Variants in MACROD2 observed in about 807,000 individuals in gnomAD.
The protein encoded by MACROD2 is mono-ADP ribosylhydrolase 2.
In MACROD2, 36 loss-of-function variants were observed where a neutral mutation model predicts 70.4. The ratio of observed to expected loss-of-function variants is 0.51; its 90% CI spans 0.39 to 0.68. The LOEUF is 0.68. Ranked by LOEUF, MACROD2 falls within the 30% of genes least tolerant of loss-of-function variation. The pLI is 0.00. For missense variants in MACROD2, 496 were observed against 538.4 expected (o/e 0.92, Z 0.78); for synonymous variants, 172 against 178.8 (o/e 0.96, Z 0.30).
chr20:15,746,569 A>AAG (rs2051186675), intron 8 of MACROD2, among the ~76,000 whole-genome samples: 1 of 151,160 alleles, frequency 6.6e-6, no homozygotes, highest in African/African-American at 2.4e-5. Flanking sequence ...CAGTAAAAAA[A>AAG]AAAAAAAAAA....
At chr20:15,947,184 C>T (rs1302165166) in intron 12 of MACROD2, among the ~76,000 whole-genome samples, 1 of 152,100 alleles carries the variant, frequency 6.6e-6, no homozygotes, top group Admixed American at 6.6e-5. Context: ...AGAGGCCTTC[C>T]TCAATCTCAA....
At chr20:14,699,912 CTAGAAGTTTAAAGTTTAAA>C (rs2071173428) in intron 5 of MACROD2, among the ~76,000 whole-genome samples, 2 of 142,872 alleles carry the variant, frequency 1.4e-5, no homozygotes, top group Non-Finnish European at 3.0e-5. Context: ...CTTTTTAAAT[CTAGAAGTTTAAAGTTTAAA>C]CTTTTTAAAT....
At chr20:16,019,648 A>T (rs6080098) in intron 15 of MACROD2, among the ~76,000 whole-genome samples, 1 of 152,118 alleles carries the variant, frequency 6.6e-6, no homozygotes, top group Non-Finnish European at 1.5e-5. Flanking sequence ...AGTAACCACA[A>T]TGTGGTTCCT....
intron 3 of MACROD2, among the ~76,000 whole-genome samples, chr20:14,472,013 C>A (rs2084536589): frequency 6.6e-6 from 1 of 152,134 alleles, no homozygotes; most frequent in African/African-American, 2.4e-5. Context: ...TGTTGGTCTG[C>A]ATTGACTTAT....
chr20:14,182,486 G>A (rs959631548), intron 3 of MACROD2, among the ~76,000 whole-genome samples: 1 of 152,064 alleles, frequency 6.6e-6, no homozygotes, highest in Non-Finnish European at 1.5e-5. Context: ...TTTTGATGAA[G>A]TCCAATTTAT....
intron 5 of MACROD2, among the ~76,000 whole-genome samples, chr20:14,700,991 C>A (rs1282217229): frequency 6.6e-6 from 1 of 152,124 alleles, no homozygotes; most frequent in African/African-American, 2.4e-5. Flanking sequence ...CCCCCGAATT[C>A]ATCTCTTTTA....
chr20:16,042,460 A>C (rs2067320006), intron 16 of MACROD2, among the ~76,000 whole-genome samples: 2 of 152,060 alleles, frequency 1.3e-5, no homozygotes, highest in Non-Finnish European at 2.9e-5. Context: ...GTCCTCACTT[A>C]GAGATTCACC....
chr20:16,041,452 T>TA (rs559960227), intron 16 of MACROD2, among the ~76,000 whole-genome samples, 174 bp downstream of exon 16: 101 of 150,810 alleles, frequency 6.7e-4, no homozygotes, highest in South Asian at 2.9e-3. Flanking sequence ...ACCTCTTATT[T>TA]AAAAAAAAAA....
intron 4 of MACROD2, among the ~76,000 whole-genome samples, chr20:14,521,824 G>A (rs2123178478): frequency 6.6e-6 from 1 of 152,262 alleles, no homozygotes; most frequent in African/African-American, 2.4e-5. Context: ...ATTATTCCAT[G>A]GGAAGTCTTT....
At position 14,215,285 on chromosome 20, in the gene MACROD2, T is replaced by C. The variant is rs1569209795; in HGVS notation, c.271+129557T>C. Among the ~76,000 whole-genome samples, 3 of 151,084 alleles carry C rather than the reference T, an allele frequency of 2.0e-5. No individual in the cohort carries two copies. The South Asian group carries it at 6.3e-4, about 32-fold the overall frequency. ...CATCATATATATATGTTCTATCATA[T>C]ATGTTCCATCATATATATATGTTCC... On this transcript the variant is annotated intron_variant, in intron 3 of 17. Transcript: ENST00000684519.
chr20:14,827,175 G>A (rs1286550683), intron 5 of MACROD2, among the ~76,000 whole-genome samples: 1 of 152,054 alleles, frequency 6.6e-6, no homozygotes, highest in African/African-American at 2.4e-5. Context: ...GGCAGCCACA[G>A]GGCCCCCAGG....
intron 8 of MACROD2, among the ~76,000 whole-genome samples, chr20:15,815,465 G>A (rs901502760): frequency 1.3e-5 from 2 of 151,668 alleles, no homozygotes; most frequent in Non-Finnish European, 2.9e-5. Context: ...ACCTGTGTGC[G>A]ACAGCTGGTG....
intron 5 of MACROD2, among the ~76,000 whole-genome samples, chr20:14,901,392 T>G (rs2073893381): frequency 1.3e-5 from 2 of 152,052 alleles, no homozygotes; most frequent in Non-Finnish European, 2.9e-5. Context: ...ATCCTAGCTG[T>G]TTTCAAGAAA....
At chr20:15,312,445 A>C (rs2077763066) in intron 6 of MACROD2, among the ~76,000 whole-genome samples, 1 of 152,216 alleles carries the variant, frequency 6.6e-6, no homozygotes, top group South Asian at 2.1e-4. Flanking sequence ...TGGTAAGTTC[A>C]TAGATCAGAT....
intron 5 of MACROD2, among the ~76,000 whole-genome samples, chr20:15,109,684 G>A (rs574134134): frequency 6.6e-6 from 1 of 152,234 alleles, no homozygotes; most frequent in Admixed American, 6.5e-5. Context: ...AATGTTCTGA[G>A]CCCAAAACAA....
chr20:15,435,038 T>A (rs2046410556), intron 7 of MACROD2, among the ~76,000 whole-genome samples: 1 of 150,852 alleles, frequency 6.6e-6, no homozygotes, highest in South Asian at 2.1e-4. Context: ...GTGGGAGGGG[T>A]TTGAGGGATG....
intron 5 of MACROD2, among the ~76,000 whole-genome samples, chr20:14,966,935 T>C (rs1004437284): frequency 6.6e-6 from 1 of 151,926 alleles, no homozygotes; most frequent in Non-Finnish European, 1.5e-5. Context: ...TCATGAGCAA[T>C]TACATTCACA....
intron 3 of MACROD2, among the ~76,000 whole-genome samples, chr20:14,264,019 ACACACAC>A (rs1568527541): frequency 2.8e-4 from 36 of 129,156 alleles, no homozygotes; most frequent in African/African-American, 8.0e-4. Flanking sequence ...ACACACACAC[ACACACAC>A]AACACAAGTG....
intron 4 of MACROD2, among the ~76,000 whole-genome samples, chr20:14,565,577 A>G (rs1402140768): frequency 6.6e-6 from 1 of 151,876 alleles, no homozygotes; most frequent in Non-Finnish European, 1.5e-5. Flanking sequence ...GCATGTTTCA[A>G]TAGTTGGTTC....
Sources: gnomAD v4.1 joint callset for allele counts (sites outside exome capture counted in the v4.1 genomes callset) on GRCh38, gnomAD v4.1.1 for gene constraint, MANE v1.5 for transcripts, NCBI Gene and HGNC (gene_info 2026-07-23, HGNC 2026-07-21) for gene names.